Variants in SYDE2 observed in about 807,000 individuals in gnomAD.
SYDE2 encodes rho GTPase-activating protein SYDE2.
SYDE2 carries 76 observed loss-of-function variants against 91.5 expected under a neutral mutation model. That is an observed-to-expected ratio of 0.83 (90% CI 0.69 to 1.01). SYDE2 has a LOEUF of 1.01. Ranked by LOEUF, SYDE2 falls within the 50% of genes least tolerant of loss-of-function variation. The pLI, the probability that SYDE2 is intolerant of heterozygous loss-of-function variation, is 0.00. For synonymous variants in SYDE2, 513 were observed against 506.4 expected (o/e 1.01, Z -0.18); for missense variants, 1,364 against 1,367.7 (o/e 1.00, Z 0.04).
At chr1:85,195,990 C>G (rs1658570901) in intron 1 of SYDE2, among the ~76,000 whole-genome samples, 1 of 152,186 alleles carries the variant, frequency 6.6e-6, no homozygotes, top group Non-Finnish European at 1.5e-5. Flanking sequence ...TGACCAGAAA[C>G]CCAGAATCTC....
Position 85,183,037 on chromosome 1 carries a change from C to G in SYDE2, c.1605G>C (p.Lys535Asn). Residue 535 changes from lysine to asparagine, a missense_variant, in exon 3 of 7, where the codon AAG becomes AAC. Lys to Asn is a moderately conservative substitution (Grantham distance 94). Transcript: ENST00000341460. ...TVRKLSMKMK[K>N]LPEFSRKLSV... Reference sequence around the variant, plus strand: ...TTAGCTTTCGGCTAAATTCTGGCAACTTTTTCATTTTCATGGAAAGTTTCC... The same window carrying G: ...TTAGCTTTCGGCTAAATTCTGGCAAGTTTTTCATTTTCATGGAAAGTTTCC... 10 of 1,613,162 alleles carry G rather than the reference C, an allele frequency of 6.2e-6. No individual in the cohort carries two copies. The highest frequency in any genetic ancestry group is 8.5e-6 in the Non-Finnish European group (10 of 1,179,680).
chr1:85,155,564 T>C (rs1656862967), downstream of SYDE2, among the ~76,000 whole-genome samples: 1 of 152,182 alleles, frequency 6.6e-6, no homozygotes. Flanking sequence ...CCCAATTACG[T>C]AGCAAATGAC....
intron 1 of SYDE2, among the ~76,000 whole-genome samples, chr1:85,195,147 T>C (rs533268613): frequency 7.7e-5 from 11 of 143,334 alleles, no homozygotes; most frequent in Non-Finnish European, 1.5e-4. Flanking sequence ...GCAACAGAGC[T>C]AGACTCCATC....
chr1:85,162,507 G>A (rs1032368479), intron 6 of SYDE2, among the ~76,000 whole-genome samples: 1 of 152,068 alleles, frequency 6.6e-6, no homozygotes, highest in Non-Finnish European at 1.5e-5. Flanking sequence ...TTTGTCTGAG[G>A]TACTACAACT....
intron 1 of SYDE2, among the ~76,000 whole-genome samples, chr1:85,193,246 T>A (rs1040977873): frequency 2.0e-5 from 3 of 152,242 alleles, no homozygotes; most frequent in African/African-American, 4.8e-5. Flanking sequence ...CACTGAAGTC[T>A]AAATCTATTT....
rs1656920296 is a variant in SYDE2 at position 85,157,930 on chromosome 1, GA to G, written c.*819del. 6.6e-6 allele frequency: 1 copy of G among 151,900 alleles called. No homozygotes were observed. The highest frequency in any genetic ancestry group is 6.6e-5 in the Admixed American group (1 of 15,258). 9.4% of individuals were successfully genotyped at this position (151,900 alleles called of 1,614,324 possible). ...AGCTTAAATAATTACTGTTAATACAGAAAACATTAATACTTGTATAATTTCA... is the reference window on the plus strand; with the variant it reads ...AGCTTAAATAATTACTGTTAATACAGAAACATTAATACTTGTATAATTTCA... On this transcript the variant is annotated 3_prime_UTR_variant, in exon 7 of 7. Transcript: ENST00000341460.
chr1:85,179,750 C>T (rs1015300736), intron 3 of SYDE2, among the ~76,000 whole-genome samples: 18 of 152,154 alleles, frequency 1.2e-4, no homozygotes, highest in East Asian at 9.7e-4. Flanking sequence ...ACAGAAGAAA[C>T]GAACTTGATT....
At chr1:85,180,111 C>T (rs926035649) in intron 3 of SYDE2, among the ~76,000 whole-genome samples, 3 of 152,062 alleles carry the variant, frequency 2.0e-5, no homozygotes, top group Non-Finnish European at 4.4e-5. Context: ...CAATTTTTCC[C>T]GTTTTAAGCA....
In SYDE2 at chr1:85,196,192, G is replaced by A. The variant is rs80098899; in HGVS notation, c.745+4060C>T. Among the ~76,000 whole-genome samples, 266 of 152,186 alleles carry A rather than the reference G, an allele frequency of 1.7e-3. 5 individuals are homozygous for A. The East Asian group carries it at 0.048, about 27-fold the overall frequency. On this transcript the variant is annotated intron_variant, in intron 1 of 6. Coordinates refer to ENST00000341460, the MANE Select transcript of SYDE2 (RefSeq NM_032184.2). ...AGCCCAAGTGCTTTGCTCTAATAGGGGTAGTTTAAGTACCAAGTATCAGAA... is the reference window on the plus strand; with the variant it reads ...AGCCCAAGTGCTTTGCTCTAATAGGAGTAGTTTAAGTACCAAGTATCAGAA...
At chr1:85,195,485 C>A (rs1033906839) in intron 1 of SYDE2, among the ~76,000 whole-genome samples, 7 of 151,458 alleles carry the variant, frequency 4.6e-5, no homozygotes, top group African/African-American at 1.5e-4. Context: ...CTAGACAAAT[C>A]TAAAAGGAGG....
At position 85,200,720 on chromosome 1, in the gene SYDE2, C is replaced by T. The variant is rs1372699581; in HGVS notation, c.277G>A (p.Gly93Ser). 1 of 1,535,690 alleles carries T rather than the reference C, an allele frequency of 6.5e-7. No individual in the cohort carries two copies. Among genetic ancestry groups the T allele is most frequent in the Admixed American group, 2.0e-5 (1 of 51,134 alleles). The change falls in exon 1 of 7, where the codon GGT (glycine) becomes AGT (serine). Residue 93 changes from glycine to serine, a missense_variant. Gly to Ser is a moderately conservative substitution (Grantham distance 56, BLOSUM62 0). Coordinates refer to ENST00000341460, the MANE Select transcript of SYDE2 (RefSeq NM_032184.2). The part of the protein sequence containing the change: ...CSRSLESLRV[G>S]AKPPPFQRWP... ...CGCTGGAAGGGAGGCGGCTTGGCAC[C>T]CACCCGGAGGCTCTCGAGGCTTCTG...
intron 3 of SYDE2, chr1:85,181,773 A>T: frequency 1.1e-5 from 2 of 187,930 alleles, no homozygotes; most frequent in Non-Finnish European, 2.2e-5. Context: ...AAATTAGTAT[A>T]AAGAATCAAT....
At chr1:85,186,190 C>A (rs937503930) in intron 2 of SYDE2, among the ~76,000 whole-genome samples, 1 of 152,060 alleles carries the variant, frequency 6.6e-6, no homozygotes, top group African/African-American at 2.4e-5. Context: ...CTGCTGGATT[C>A]GGTTTGCCAG....
chr1:85,177,160 C>T (rs1325467750), intron 4 of SYDE2, among the ~76,000 whole-genome samples: 1 of 152,082 alleles, frequency 6.6e-6, no homozygotes, highest in African/African-American at 2.4e-5. Context: ...TTGGAGACCC[C>T]CAAAGTTCTT....
chr1:85,199,992 A>C (rs1658749416), intron 1 of SYDE2, among the ~76,000 whole-genome samples: 1 of 152,090 alleles, frequency 6.6e-6, no homozygotes, highest in Non-Finnish European at 1.5e-5. Flanking sequence ...GAATAGACAC[A>C]CTGGTTTTTC....
chr1:85,175,667 A>G (rs1657670612), intron 4 of SYDE2, among the ~76,000 whole-genome samples: 1 of 152,190 alleles, frequency 6.6e-6, no homozygotes. Flanking sequence ...CATTTTTTAG[A>G]CCTACTGAAC....
downstream of SYDE2, among the ~76,000 whole-genome samples, chr1:85,154,494 C>T (rs1656833893): frequency 7.4e-6 from 1 of 135,244 alleles, no homozygotes; most frequent in African/African-American, 2.8e-5. Context: ...TCACCAAGTA[C>T]AGAGGCATTA....
intron 1 of SYDE2, among the ~76,000 whole-genome samples, chr1:85,195,555 C>A (rs2100694530): frequency 6.7e-6 from 1 of 150,156 alleles, no homozygotes; most frequent in Non-Finnish European, 1.5e-5. Flanking sequence ...TTGTGGCTAG[C>A]AATAAAAACC....
chr1:85,165,794 A>G (rs1400962794), intron 5 of SYDE2, among the ~76,000 whole-genome samples: 1 of 151,688 alleles, frequency 6.6e-6, no homozygotes, highest in African/African-American at 2.4e-5. Context: ...CATAGGATCA[A>G]TCATTTAACA....
Sources: gnomAD v4.1 joint callset for allele counts (sites outside exome capture counted in the v4.1 genomes callset) on GRCh38, gnomAD v4.1.1 for gene constraint, MANE v1.5 for transcripts, NCBI Gene and HGNC (gene_info 2026-07-23, HGNC 2026-07-21) for gene names.